Variants in PRELID2 observed in about 807,000 individuals in gnomAD.
The protein encoded by PRELID2 is PRELI domain-containing protein 2.
A neutral mutation model predicts 28.4 loss-of-function variants in PRELID2; 25 were observed. The observed-to-expected ratio is 0.88, with a 90% CI of 0.64 to 1.23. The LOEUF is 1.23. Ranked by LOEUF, PRELID2 falls within the 50% of genes most tolerant of loss-of-function variation. The probability of loss-of-function intolerance (pLI) is 0.00; values close to 1 mark genes in which losing one functional copy is unlikely to be tolerated. For synonymous variants in PRELID2, 76 were observed against 71.6 expected (o/e 1.06, Z -0.31); for missense variants, 201 against 214.4 (o/e 0.94, Z 0.39).
At chr5:145,554,093 T>C (rs932387307) in intron 1 of PRELID2, among the ~76,000 whole-genome samples, 4 of 152,236 alleles carry the variant, frequency 2.6e-5, no homozygotes, top group Admixed American at 2.6e-4. Context: ...AAATGAAAAA[T>C]TCTAGAAGCT....
At chr5:145,400,021 T>C in the PRELID2 span, among the ~76,000 whole-genome samples, 1 of 152,156 alleles carries the variant, frequency 6.6e-6, no homozygotes, top group Non-Finnish European at 1.5e-5. Flanking sequence ...CCAAACCATA[T>C]TATCTCCACA....
chr5:145,323,753 T>C, the PRELID2 span, among the ~76,000 whole-genome samples: 2 of 152,184 alleles, frequency 1.3e-5, no homozygotes, highest in African/African-American at 4.8e-5. Context: ...GTTAGGATAA[T>C]GGCCTCCAGC....
rs116725078 is a variant in PRELID2 at position 145,560,540 on chromosome 5, C to T, written n.71-87225G>A. 3.6e-3 allele frequency among the ~76,000 whole-genome samples: 543 copies of T among 152,322 alleles called. 5 individuals are homozygous for T. Among genetic ancestry groups the T allele is most frequent in the African/African-American group, 0.013 (530 of 41,566 alleles). Reference sequence around the variant, plus strand: ...CTATTACCTGAGAGGCTTTTAACAGCTTTAAACAACCAACTGCCAATAACT... The same window carrying T: ...CTATTACCTGAGAGGCTTTTAACAGTTTTAAACAACCAACTGCCAATAACT... On this transcript the variant is annotated intron_variant and non_coding_transcript_variant, in intron 1 of 2. Coordinates refer to the PRELID2 transcript ENST00000510259.
rs529960817 is a variant in PRELID2 at position 145,741,790 on chromosome 5, G to T, written n.70+23141C>A. ...TATATAAATAAAATTTATTTATAAA[G>T]TATTTATATATAAATTTATTTATAA... On this transcript the variant is annotated intron_variant and non_coding_transcript_variant, in intron 1 of 2. Transcript: ENST00000510259. Among the ~76,000 whole-genome samples the T allele has an allele frequency of 3.8e-3, 226 of 59,370 alleles. 5 individuals carry two copies. Among genetic ancestry groups the T allele is most frequent in the Non-Finnish European group, 2.0e-3 (60 of 30,566 alleles). 38.9% of individuals were successfully genotyped at this position (59,370 alleles called of 152,430 possible).
intron 1 of PRELID2, among the ~76,000 whole-genome samples, chr5:145,474,996 T>C (rs1752086446): frequency 6.6e-6 from 1 of 152,180 alleles, no homozygotes. Flanking sequence ...GAAACTAAAA[T>C]AAAGTTCTTC....
intron 1 of PRELID2, among the ~76,000 whole-genome samples, chr5:145,511,468 G>C (rs2126641230): frequency 6.6e-6 from 1 of 152,284 alleles, no homozygotes; most frequent in East Asian, 1.9e-4. Context: ...GTATTCACCA[G>C]GAAAGCATCT....
intron 1 of PRELID2, among the ~76,000 whole-genome samples, chr5:145,616,149 G>T (rs1753694702): frequency 6.6e-6 from 1 of 152,152 alleles, no homozygotes; most frequent in South Asian, 2.1e-4. Context: ...TTACCTGGTG[G>T]TGTTGTCTCA....
intron 1 of PRELID2, among the ~76,000 whole-genome samples, chr5:145,670,388 A>G (rs1754682587): frequency 6.6e-6 from 1 of 152,168 alleles, no homozygotes; most frequent in African/African-American, 2.4e-5. Context: ...CCACGACACA[A>G]ACACCTCCCC....
downstream of PRELID2, among the ~76,000 whole-genome samples, chr5:145,754,859 G>T (rs145342576): frequency 6.6e-6 from 1 of 152,288 alleles, no homozygotes; most frequent in East Asian, 1.9e-4. Context: ...TTGTGCCCCA[G>T]TTGAAGAGGA....
In PRELID2 at chr5:145,834,302, A is replaced by G. The variant is rs190936464; in HGVS notation, c.75+875T>C. Among the ~76,000 whole-genome samples, 6 of 152,162 alleles carry G rather than the reference A, an allele frequency of 3.9e-5. No individual in the cohort carries two copies. The South Asian group carries it at 6.2e-4, about 16-fold the overall frequency. On this transcript the variant is annotated intron_variant, in intron 1 of 6. Transcript: ENST00000683046. ...GACTTTAGTGGTCCCCTCCTCACCC[A>G]ACCCATTCCTGGGAGCAACTGGTTA...
chr5:145,772,459 G>T (rs1394867991), intron 5 of PRELID2, among the ~76,000 whole-genome samples: 1 of 152,166 alleles, frequency 6.6e-6, no homozygotes, highest in Non-Finnish European at 1.5e-5. Context: ...AGTTTATTTG[G>T]TTTACAGTGC....
intron 1 of PRELID2, among the ~76,000 whole-genome samples, chr5:145,593,903 T>C (rs577901460): frequency 2.6e-4 from 40 of 152,276 alleles, no homozygotes; most frequent in African/African-American, 8.9e-4. Context: ...AATGAGACAA[T>C]CTGGGAACCT....
chr5:145,398,462 C>A, the PRELID2 span, among the ~76,000 whole-genome samples: 1 of 152,136 alleles, frequency 6.6e-6, no homozygotes, highest in African/African-American at 2.4e-5. Context: ...TCCTGTCTCT[C>A]ATGCCTGCCT....
intron 1 of PRELID2, among the ~76,000 whole-genome samples, chr5:145,601,773 G>C (rs1753401299): frequency 6.6e-6 from 1 of 152,176 alleles, no homozygotes. Context: ...CCTAAGGCAA[G>C]GATGTGAATA....
At chr5:145,289,952 GT>G in the PRELID2 span, among the ~76,000 whole-genome samples, 1 of 152,060 alleles carries the variant, frequency 6.6e-6, no homozygotes, top group African/African-American at 2.4e-5. Context: ...TGGGTTGTTT[GT>G]TTTCTTATCT....
At chr5:145,716,324 A>C (rs1755842246) in intron 1 of PRELID2, among the ~76,000 whole-genome samples, 1 of 152,212 alleles carries the variant, frequency 6.6e-6, no homozygotes, top group Non-Finnish European at 1.5e-5. Flanking sequence ...AGACAAAGCA[A>C]AGATGTTTAT....
At chr5:145,616,152 T>G (rs571441597) in intron 1 of PRELID2, among the ~76,000 whole-genome samples, 5 of 152,190 alleles carry the variant, frequency 3.3e-5, no homozygotes, top group African/African-American at 7.2e-5. Context: ...CCTGGTGGTG[T>G]TGTCTCACAG....
chr5:145,673,008 G>A (rs1013768371), intron 1 of PRELID2, among the ~76,000 whole-genome samples: 4 of 152,176 alleles, frequency 2.6e-5, no homozygotes, highest in Non-Finnish European at 5.9e-5. Context: ...CTGATTCTAT[G>A]AGGGATGAAT....
At chr5:145,229,213 C>T in the PRELID2 span, 7 of 809,412 alleles carry the variant, frequency 8.6e-6, no homozygotes, top group South Asian at 1.3e-5. Context: ...ATCTGCTACT[C>T]GCTGGCCCCC....
Sources: gnomAD v4.1 joint callset for allele counts (sites outside exome capture counted in the v4.1 genomes callset) on GRCh38, gnomAD v4.1.1 for gene constraint, MANE v1.5 for transcripts, NCBI Gene and HGNC (gene_info 2026-07-23, HGNC 2026-07-21) for gene names.